The following COL25A1 variants were observed in gnomAD, a reference collection of about 807,000 sequenced individuals.
The protein encoded by COL25A1 is collagen type XXV alpha 1 chain.
COL25A1 carries 103 observed loss-of-function variants against 128.4 expected under a neutral mutation model. The observed-to-expected ratio is 0.80, with a 90% CI of 0.68 to 0.94. The LOEUF (loss-of-function observed/expected upper bound fraction) is 0.94. COL25A1 is among the 40% of genes least tolerant of loss of function. The probability of loss-of-function intolerance (pLI) is 0.00; values close to 1 mark genes in which losing one functional copy is unlikely to be tolerated. For missense variants in COL25A1, 745 were observed against 840.0 expected (o/e 0.89, Z 1.40); for synonymous variants, 279 against 277.2 (o/e 1.01, Z -0.06).
intron 6 of COL25A1, among the ~76,000 whole-genome samples, chr4:109,000,877 G>A (rs6816296): frequency 0.8 from 119,808 of 150,570 alleles, 48,915 homozygotes; most frequent in East Asian, 1. Context: ...ATTCAAATAC[G>A]AAGGGGTATC....
At chr4:109,220,005 GA>G (rs1250957447) in intron 3 of COL25A1, among the ~76,000 whole-genome samples, 3 of 152,248 alleles carry the variant, frequency 2.0e-5, no homozygotes, top group Non-Finnish European at 4.4e-5. Context: ...TTTGTAATTA[GA>G]AAGTAGGCTA....
At chr4:109,264,630 T>C (rs1781672067) in intron 3 of COL25A1, among the ~76,000 whole-genome samples, 1 of 152,212 alleles carries the variant, frequency 6.6e-6, no homozygotes. Context: ...GAGAAAAGCC[T>C]GGGCGAAGAG....
chr4:108,815,328 A>T (rs1465184362), intron 37 of COL25A1, among the ~76,000 whole-genome samples: 1 of 152,090 alleles, frequency 6.6e-6, no homozygotes, highest in African/African-American at 2.4e-5. Context: ...ACACCCAAAA[A>T]TAGGACTCAC....
intron 19 of COL25A1, among the ~76,000 whole-genome samples, chr4:108,882,768 AG>A (rs1740283447): frequency 6.6e-6 from 1 of 152,218 alleles, no homozygotes; most frequent in Non-Finnish European, 1.5e-5. Flanking sequence ...ATCTATTAAA[AG>A]GACATATCTG....
chr4:108,852,781 C>T (rs1298675830), intron 25 of COL25A1, 121 bp downstream of exon 25: 1 of 750,142 alleles, frequency 1.3e-6, no homozygotes, highest in African/African-American at 1.8e-5. Context: ...ATTATTAATA[C>T]AAGAAAACAT....
chr4:109,295,075 G>A (rs1724843530), intron 3 of COL25A1, among the ~76,000 whole-genome samples: 1 of 152,082 alleles, frequency 6.6e-6, no homozygotes. Flanking sequence ...ATTTGAATGA[G>A]CTAGAATGAA....
intron 3 of COL25A1, among the ~76,000 whole-genome samples, chr4:109,051,894 T>C (rs566613385): frequency 2.0e-5 from 3 of 151,052 alleles, no homozygotes; most frequent in African/African-American, 7.3e-5. Context: ...ACCCTAACCA[T>C]GTGGAAGGAG....
chr4:109,243,114 A>G (rs558150951), intron 3 of COL25A1, among the ~76,000 whole-genome samples: 4 of 152,130 alleles, frequency 2.6e-5, no homozygotes, highest in Non-Finnish European at 5.9e-5. Flanking sequence ...CAGTGTTTCT[A>G]AAAACTTTCG....
At chr4:108,975,568 G>T (rs545296305) in intron 6 of COL25A1, among the ~76,000 whole-genome samples, 2 of 152,136 alleles carry the variant, frequency 1.3e-5, no homozygotes, top group Non-Finnish European at 2.9e-5. Flanking sequence ...ACATATGTTC[G>T]GTTTTAGTAG....
At chr4:109,166,314 T>C (rs1773067359) in intron 3 of COL25A1, among the ~76,000 whole-genome samples, 1 of 152,328 alleles carries the variant, frequency 6.6e-6, no homozygotes, top group East Asian at 1.9e-4. Context: ...TGCTTAAACA[T>C]CCTTAAAGCT....
intron 3 of COL25A1, among the ~76,000 whole-genome samples, chr4:109,211,303 T>A (rs1375793987): frequency 2.1e-5 from 1 of 48,716 alleles, no homozygotes; most frequent in African/African-American, 2.8e-4. Context: ...TATATATATA[T>A]ATATATATAT....
chr4:109,103,015 C>T (rs935527589), intron 3 of COL25A1, among the ~76,000 whole-genome samples: 2 of 152,048 alleles, frequency 1.3e-5, no homozygotes, highest in African/African-American at 2.4e-5. Flanking sequence ...CTATAGATAT[C>T]GCACTAGTTT....
intron 24 of COL25A1, among the ~76,000 whole-genome samples, chr4:108,859,199 A>G (rs1736875148): frequency 6.6e-6 from 1 of 152,164 alleles, no homozygotes; most frequent in African/African-American, 2.4e-5. Context: ...TGAGGCAGAT[A>G]CTGCTACCAT....
intron 3 of COL25A1, among the ~76,000 whole-genome samples, chr4:109,255,726 T>C (rs534072887): frequency 2.2e-4 from 34 of 152,290 alleles, no homozygotes; most frequent in African/African-American, 8.2e-4. Flanking sequence ...AACAAATAAA[T>C]TCCTCTCATT....
At chr4:109,012,362 T>C (rs3096497) in intron 5 of COL25A1, among the ~76,000 whole-genome samples, 77,702 of 152,108 alleles carry the variant, frequency 0.51, 22,604 homozygotes, top group African/African-American at 0.78. Flanking sequence ...GCCTTGGCGT[T>C]CGCTCTGGCT....
At chr4:109,289,888 G>GT (rs1157796506) in intron 3 of COL25A1, among the ~76,000 whole-genome samples, 1 of 126,882 alleles carries the variant, frequency 7.9e-6, no homozygotes, top group Non-Finnish European at 1.5e-5. Context: ...TTTACTCTTG[G>GT]TTTTTTAGGA....
chr4:108,994,455 G>T (rs1047909627), intron 6 of COL25A1, among the ~76,000 whole-genome samples: 1 of 152,214 alleles, frequency 6.6e-6, no homozygotes, highest in African/African-American at 2.4e-5. Context: ...AAACAAAGTG[G>T]CTGGGAAGCA....
chr4:108,895,429 C>T (rs993725533), intron 16 of COL25A1, among the ~76,000 whole-genome samples: 3 of 152,074 alleles, frequency 2.0e-5, no homozygotes, highest in Non-Finnish European at 4.4e-5. Context: ...TAACACATAG[C>T]ACAAGTGAAG....
intron 3 of COL25A1, among the ~76,000 whole-genome samples, chr4:109,242,947 C>G (rs999939094): frequency 6.6e-6 from 1 of 151,994 alleles, no homozygotes; most frequent in African/African-American, 2.4e-5. Flanking sequence ...TTAGCAATTT[C>G]TAGTATAAAT....
Sources: allele counts gnomAD v4.1 joint callset (sites outside exome capture counted in the v4.1 genomes callset), GRCh38; gene constraint gnomAD v4.1.1; transcripts MANE v1.5; gene names NCBI Gene and HGNC (gene_info 2026-07-23, HGNC 2026-07-21).